Variants in PFKFB3 observed in about 807,000 individuals in gnomAD.
The protein encoded by PFKFB3 is 6-phosphofructo-2-kinase/fructose-2,6-bisphosphatase 3.
PFKFB3 carries 33 observed loss-of-function variants against 68.0 expected under a neutral mutation model. That is an observed-to-expected ratio of 0.49 (90% CI 0.37 to 0.65). PFKFB3 has a LOEUF of 0.65. PFKFB3 is among the 30% of genes least tolerant of loss of function. PFKFB3 has a pLI of 0.00. For missense variants in PFKFB3, 586 were observed against 712.2 expected, an observed-to-expected ratio of 0.82 and a Z score of 2.02; for synonymous variants, 315 against 288.2, an observed-to-expected ratio of 1.09 and a Z score of -0.94.
At chr10:6,165,763 T>C (rs1419788580) in intron 1 of PFKFB3, among the ~76,000 whole-genome samples, 2 of 152,176 alleles carry the variant, frequency 1.3e-5, no homozygotes, top group African/African-American at 4.8e-5. Flanking sequence ...GTAGATTATT[T>C]CATCACCTAG....
rs36144362 is a variant in PFKFB3 at position 6,187,949 on chromosome 10, T to TTCTATCTATCTATCTATCTA, written c.17-25663_17-25644dup. 8.2e-3 allele frequency among the ~76,000 whole-genome samples: 1,234 copies of TTCTATCTATCTATCTATCTA among 149,654 alleles called. 20 individuals carry two copies. Among genetic ancestry groups the TTCTATCTATCTATCTATCTA allele is most frequent in the African/African-American group, 0.024 (958 of 40,292 alleles). ...CCTCTATCATTCTCTCCCTCTCCATTTCTATCTATCTATCTATCTATCTAT... is the reference window on the plus strand; with the variant it reads ...CCTCTATCATTCTCTCCCTCTCCATTTCTATCTATCTATCTATCTATCTATCTATCTATCTATCTATCTAT... On this transcript the variant is annotated intron_variant, in intron 1 of 14. Coordinates refer to the PFKFB3 transcript ENST00000379789.
chr10:6,171,344 C>T (rs902767173), intron 1 of PFKFB3, among the ~76,000 whole-genome samples: 5 of 152,036 alleles, frequency 3.3e-5, no homozygotes, highest in African/African-American at 1.2e-4. Context: ...CGTAAGCCAC[C>T]GGGCCCGGCC....
intron 1 of PFKFB3, among the ~76,000 whole-genome samples, chr10:6,207,220 G>A (rs1430403017): frequency 1.3e-5 from 2 of 152,344 alleles, no homozygotes; most frequent in East Asian, 1.9e-4. Flanking sequence ...CGGATCACTC[G>A]CGGTTAGGAG....
chr10:6,228,141 C>G lies in PFKFB3; in HGVS notation c.1515+1776C>G. On this transcript the variant is annotated intron_variant, in intron 14 of 14. Transcript: ENST00000379775. This position sits in a 1 kb window ranked among gnomAD's most constrained non-coding sequence, Gnocchi z 4.5. ...CGTGGGGTTTTTCAGGGCTTCGTCCCTGCAGATTGCGCCCTGCCTCCTGAC... is the reference window on the plus strand; with the variant it reads ...CGTGGGGTTTTTCAGGGCTTCGTCCGTGCAGATTGCGCCCTGCCTCCTGAC... 6.2e-7 allele frequency: 1 copy of G among 1,608,188 alleles called. No homozygotes were observed. The highest frequency in any genetic ancestry group is 1.1e-5 in the South Asian group (1 of 91,000).
intron 10 of PFKFB3, 91 bp downstream of exon 10, chr10:6,221,836 G>T: frequency 4.7e-6 from 4 of 852,388 alleles, no homozygotes; most frequent in South Asian, 1.5e-5. Context: ...GTTCACTTCC[G>T]TGTGGGTTCT....
the PFKFB3 span, among the ~76,000 whole-genome samples, chr10:6,302,936 A>G: frequency 6.6e-6 from 1 of 152,100 alleles, no homozygotes; most frequent in African/African-American, 2.4e-5. Context: ...TGCCTTCTTT[A>G]TGCATAGAAA....
At chr10:6,246,312 TTTTTATTTA>T (rs1274018878) in intron 14 of PFKFB3, among the ~76,000 whole-genome samples, 3 of 150,262 alleles carry the variant, frequency 2.0e-5, no homozygotes, top group Admixed American at 6.6e-5. Flanking sequence ...TACATTTTTA[TTTTTATTTA>T]TTTTATTTAT....
chr10:6,164,412 T>C (rs74529373), intron 1 of PFKFB3, among the ~76,000 whole-genome samples: 1,649 of 152,262 alleles, frequency 0.011, 69 homozygotes, highest in East Asian at 0.1. Context: ...GGTTGAAGAA[T>C]TGGGGATGTT....
At chr10:6,159,406 A>G (rs558035639) in intron 1 of PFKFB3, among the ~76,000 whole-genome samples, 264 of 151,754 alleles carry the variant, frequency 1.7e-3, no homozygotes, top group African/African-American at 5.9e-3. Flanking sequence ...ATTAAAAAAA[A>G]CAAAAAAAAG....
At chr10:6,248,418 C>T (rs1376850017) in intron 14 of PFKFB3, among the ~76,000 whole-genome samples, 1 of 151,670 alleles carries the variant, frequency 6.6e-6, no homozygotes, top group Non-Finnish European at 1.5e-5. Flanking sequence ...GGCTTGAGGT[C>T]AGGGGTTTGG....
At chr10:6,152,937 T>C (rs769699465) in intron 1 of PFKFB3, among the ~76,000 whole-genome samples, 2 of 152,012 alleles carry the variant, frequency 1.3e-5, no homozygotes, top group African/African-American at 2.4e-5. Flanking sequence ...CCCAGCACTT[T>C]GGGAGGCTGA....
the PFKFB3 span, chr10:6,293,302 A>G: frequency 2.7e-6 from 1 of 364,270 alleles, no homozygotes; most frequent in East Asian, 7.3e-5. Context: ...TGAGAAGACC[A>G]TTTCTGGCTA....
rs1844106902 is a variant in PFKFB3, at chr10:6,210,372, T to TTG, written c.77-3250_77-3249insGT. 8.4e-5 allele frequency among the ~76,000 whole-genome samples: 7 copies of TTG among 83,216 alleles called. 1 individual carries two copies. Among genetic ancestry groups the TTG allele is most frequent in the African/African-American group, 2.1e-4 (7 of 32,680 alleles). 54.6% of individuals were successfully genotyped at this position (83,216 alleles called of 152,430 possible). A position where few individuals can be genotyped will look rare whatever the true frequency, so the allele number is the denominator to read the frequency against. Reference sequence around the variant, plus strand: ...TTTTTTTTTGTTTTTTTGTTTTTTTTTTTTTTGAGACGAAGTTTCGCTCTG... The same window carrying TTG: ...TTTTTTTTTGTTTTTTTGTTTTTTTTTGTTTTTTGAGACGAAGTTTCGCTCTG... On this transcript the variant is annotated intron_variant, in intron 1 of 14. Transcript: ENST00000379775.
At chr10:6,236,216 G>A (rs111575812), downstream of PFKFB3, among the ~76,000 whole-genome samples, 1 of 152,136 alleles carries the variant, frequency 6.6e-6, no homozygotes, top group Non-Finnish European at 1.5e-5. Flanking sequence ...CCATGTTTCT[G>A]CAGGGAATAA....
chr10:6,224,304 C>G (rs1845174738), intron 13 of PFKFB3, 91 bp downstream of exon 13: 10 of 1,278,596 alleles, frequency 7.8e-6, no homozygotes, highest in African/African-American at 1.5e-5. Context: ...GGCCGCTTGC[C>G]TGCAGGTGCT....
chr10:6,313,680 TGAGCTAATGGA>T, the PFKFB3 span, among the ~76,000 whole-genome samples: 3 of 152,240 alleles, frequency 2.0e-5, no homozygotes, highest in Non-Finnish European at 2.9e-5. This position sits in a 1 kb window ranked among gnomAD's most constrained non-coding sequence, Gnocchi z 4.2. Context: ...CTCTAGATGA[TGAGCTAATGGA>T]GAGCAGAGAT....
chr10:6,317,684 A>G, the PFKFB3 span, among the ~76,000 whole-genome samples: 1 of 152,180 alleles, frequency 6.6e-6, no homozygotes, highest in South Asian at 2.1e-4. Flanking sequence ...AATTCAATCA[A>G]TCAACACCTC....
the PFKFB3 span, among the ~76,000 whole-genome samples, chr10:6,299,924 T>G: frequency 6.7e-6 from 1 of 148,156 alleles, no homozygotes. Context: ...TGGACTTTCC[T>G]AGGCTTGCAT....
chr10:6,280,004 G>A, the PFKFB3 span, among the ~76,000 whole-genome samples: 1 of 152,140 alleles, frequency 6.6e-6, no homozygotes, highest in African/African-American at 2.4e-5. Flanking sequence ...ATAGCTTTGG[G>A]AGACAGGGTT....
Sources: gnomAD v4.1 joint callset for allele counts (sites outside exome capture counted in the v4.1 genomes callset) on GRCh38, gnomAD v4.1.1 for gene constraint, Gnocchi (gnomAD v3.1) non-coding constraint, MANE v1.5 for transcripts, NCBI Gene and HGNC (gene_info 2026-07-23, HGNC 2026-07-21) for gene names.